The following BMAL1 variants were observed in gnomAD, a reference collection of about 807,000 sequenced individuals.
The protein encoded by BMAL1 is basic helix-loop-helix ARNT-like protein 1.
At chr11:13,355,197 C>T in the BMAL1 span, 23 of 1,602,574 alleles carry the variant, frequency 1.4e-5, no homozygotes, top group Middle Eastern at 1.7e-4. Context: ...GAGGTATACC[C>T]CCTACAGCAG....
At chr11:13,381,125 AAAAAG>A in the BMAL1 span, 9 of 1,604,076 alleles carry the variant, frequency 5.6e-6, no homozygotes, top group East Asian at 1.8e-4. Flanking sequence ...ACTCCACTGA[AAAAAG>A]AAAAGGCAGT....
chr11:13,332,306 G>T, the BMAL1 span, among the ~76,000 whole-genome samples: 10 of 152,198 alleles, frequency 6.6e-5, no homozygotes, highest in Non-Finnish European at 1.5e-5. Context: ...GGTGTTGTCA[G>T]ATAGCAAACA....
the BMAL1 span, among the ~76,000 whole-genome samples, chr11:13,367,912 C>T: frequency 2.1e-4 from 32 of 152,114 alleles, no homozygotes; most frequent in Non-Finnish European, 4.0e-4. Flanking sequence ...AGAACAGTTC[C>T]TAGCACATAG....
At chr11:13,361,726 G>A in the BMAL1 span, among the ~76,000 whole-genome samples, 1 of 152,120 alleles carries the variant, frequency 6.6e-6, no homozygotes, top group African/African-American at 2.4e-5. Flanking sequence ...ATGTTGGGTT[G>A]CTGCAGTGGT....
chr11:13,297,591 G>T, the BMAL1 span, among the ~76,000 whole-genome samples: 1 of 152,120 alleles, frequency 6.6e-6, no homozygotes, highest in African/African-American at 2.4e-5. Flanking sequence ...TTCGCCCATT[G>T]CCCTTGCCAT....
chr11:13,326,252 C>T, the BMAL1 span, among the ~76,000 whole-genome samples: 1 of 151,692 alleles, frequency 6.6e-6, no homozygotes, highest in Non-Finnish European at 1.5e-5. Flanking sequence ...ACAGACTGAA[C>T]TATCAATGGA....
the BMAL1 span, chr11:13,379,611 G>A: frequency 8.5e-5 from 13 of 152,318 alleles, no homozygotes; most frequent in East Asian, 2.3e-3. Flanking sequence ...TCTTTTATAA[G>A]TCTATTTTCT....
the BMAL1 span, among the ~76,000 whole-genome samples, chr11:13,325,584 G>A: frequency 6.6e-6 from 1 of 151,862 alleles, no homozygotes; most frequent in Admixed American, 6.6e-5. Context: ...GTCTCAGGGA[G>A]GCAGACCGGC....
the BMAL1 span, among the ~76,000 whole-genome samples, chr11:13,302,862 G>T: frequency 6.6e-6 from 1 of 152,158 alleles, no homozygotes; most frequent in Non-Finnish European, 1.5e-5. Flanking sequence ...CTATGTGTTT[G>T]TCTTGATTTC....
chr11:13,295,457 A>G, the BMAL1 span, among the ~76,000 whole-genome samples: 4 of 152,188 alleles, frequency 2.6e-5, no homozygotes. Flanking sequence ...GAGTTGGGAT[A>G]GGAACCTATG....
chr11:13,377,649 T>G, the BMAL1 span, among the ~76,000 whole-genome samples: 1 of 152,218 alleles, frequency 6.6e-6, no homozygotes, highest in Non-Finnish European at 1.5e-5. Context: ...CATTCCCTTG[T>G]GGAAACTGTC....
At chr11:13,310,337 T>C in the BMAL1 span, among the ~76,000 whole-genome samples, 2 of 152,100 alleles carry the variant, frequency 1.3e-5, no homozygotes, top group Non-Finnish European at 2.9e-5. Flanking sequence ...TGGCTCTGTT[T>C]TGAAGGGCAA....
the BMAL1 span, among the ~76,000 whole-genome samples, chr11:13,355,462 G>A: frequency 6.6e-6 from 1 of 152,202 alleles, no homozygotes; most frequent in East Asian, 1.9e-4. Context: ...CCACTGATGT[G>A]TTCTAAGGCC....
At chr11:13,354,314 A>T in the BMAL1 span, 2,224 of 1,604,866 alleles carry the variant, frequency 1.4e-3, 36 homozygotes, top group African/African-American at 0.026. Flanking sequence ...ATCCAATGGC[A>T]GACCAGAGAA....
At chr11:13,385,869 CTG>C in the BMAL1 span, 1 of 1,069,968 alleles carries the variant, frequency 9.3e-7, no homozygotes, top group Non-Finnish European at 1.4e-6. Flanking sequence ...AAGAACTGAA[CTG>C]TGTGAAACAA....
chr11:13,375,432 GCT>G, the BMAL1 span, among the ~76,000 whole-genome samples: 3 of 152,186 alleles, frequency 2.0e-5, no homozygotes, highest in African/African-American at 4.8e-5. Context: ...GAATTGAAAG[GCT>G]CTGAGTTAGA....
At chr11:13,340,435 T>G in the BMAL1 span, among the ~76,000 whole-genome samples, 53 of 152,376 alleles carry the variant, frequency 3.5e-4, no homozygotes, top group Middle Eastern at 0.014. Flanking sequence ...CCCACTGACC[T>G]TTCTCATTGT....
chr11:13,373,474 T>C, the BMAL1 span, among the ~76,000 whole-genome samples: 5 of 151,964 alleles, frequency 3.3e-5, no homozygotes, highest in African/African-American at 1.2e-4. Flanking sequence ...TGCACTGAGG[T>C]TTAGATTTAT....
the BMAL1 span, among the ~76,000 whole-genome samples, chr11:13,316,803 A>G: frequency 6.6e-6 from 1 of 152,250 alleles, no homozygotes; most frequent in Non-Finnish European, 1.5e-5. Context: ...GACGTTAGCC[A>G]CACCCTAGGT....
Sources: gnomAD v4.1 joint callset for allele counts (sites outside exome capture counted in the v4.1 genomes callset) on GRCh38, gnomAD v4.1.1 for gene constraint, MANE v1.5 for transcripts, NCBI Gene and HGNC (gene_info 2026-07-23, HGNC 2026-07-21) for gene names.